DMD: variants seen among roughly 807,000 people sequenced by gnomAD.
DMD encodes dystrophin.
A neutral mutation model predicts 330.1 loss-of-function variants in DMD; 63 were observed. The observed-to-expected ratio is 0.19, with a 90% confidence interval of 0.16 to 0.24. The LOEUF (loss-of-function observed/expected upper bound fraction) is 0.24, where lower values mean the gene tolerates loss of function less well. Among genes scored for constraint, DMD ranks in the 10% least tolerant of loss-of-function variants. The pLI is 1.00. For synonymous variants in DMD, 1,223 were observed against 959.8 expected (o/e 1.27, Z -5.07); for missense variants, 3,344 against 2,684.1 (o/e 1.25, Z -5.43).
intron 60 of DMD, among the ~76,000 whole-genome samples, chrX:31,349,644 AG>A (rs1322858086): frequency 3.6e-5 from 4 of 111,584 alleles, no homozygotes; most frequent in African/African-American, 1.3e-4. Context: ...CAACTTAGTG[AG>A]TTCTATTCTT....
intron 44 of DMD, among the ~76,000 whole-genome samples, chrX:32,208,063 T>G (rs184102753): frequency 2.2e-4 from 25 of 112,075 alleles, no homozygotes; most frequent in Non-Finnish European, 4.3e-4. Context: ...TGCTGCCACA[T>G]TAAATTTATT....
chrX:31,295,045 G>A (rs761057974), intron 62 of DMD, among the ~76,000 whole-genome samples: 1 of 111,400 alleles, frequency 9.0e-6, no homozygotes, highest in Non-Finnish European at 1.9e-5. Flanking sequence ...TGCCCAGGCT[G>A]TAGTGCAGTA....
intron 1 of DMD, among the ~76,000 whole-genome samples, chrX:33,253,283 T>C (rs1349185427): frequency 9.0e-6 from 1 of 111,495 alleles, no homozygotes. Flanking sequence ...ATTGGAACTT[T>C]GGTATGGACC....
intron 1 of DMD, among the ~76,000 whole-genome samples, chrX:33,333,174 A>G (rs981366641): frequency 6.3e-5 from 7 of 111,553 alleles, no homozygotes; most frequent in African/African-American, 2.3e-4. Context: ...GTGTGACTTC[A>G]ATTACATAAA....
chrX:31,608,547 A>G (rs1188165266), intron 55 of DMD, among the ~76,000 whole-genome samples: 1 of 112,080 alleles, frequency 8.9e-6, no homozygotes, highest in South Asian at 3.7e-4. Flanking sequence ...AGGAAAAACC[A>G]AAGTATATTT....
intron 44 of DMD, among the ~76,000 whole-genome samples, chrX:32,070,202 C>T (rs972714318): frequency 9.0e-6 from 1 of 111,269 alleles, no homozygotes. Flanking sequence ...CTCCCCACCC[C>T]GCTCAAACTG....
At chrX:31,154,537 G>T (rs2037874054) in intron 74 of DMD, among the ~76,000 whole-genome samples, 1 of 109,066 alleles carries the variant, frequency 9.2e-6, no homozygotes, top group Admixed American at 9.8e-5. Flanking sequence ...CTCGTGATCC[G>T]CCTGCCTCGG....
chrX:33,144,283 G>A (rs2047927626), intron 1 of DMD, among the ~76,000 whole-genome samples: 1 of 111,327 alleles, frequency 9.0e-6, no homozygotes, highest in Admixed American at 9.6e-5. Flanking sequence ...AGGGTAGTGG[G>A]GAGGGGGTGA....
chrX:32,821,536 C>A (rs944339620), intron 5 of DMD, among the ~76,000 whole-genome samples: 1 of 108,600 alleles, frequency 9.2e-6, no homozygotes, highest in Admixed American at 9.9e-5. Context: ...TGCAGTGAGC[C>A]GAGATCGCGC....
chrX:32,788,299 T>A (rs1467212164), intron 7 of DMD, among the ~76,000 whole-genome samples: 2 of 111,986 alleles, frequency 1.8e-5, no homozygotes, highest in East Asian at 5.6e-4. Flanking sequence ...TCTTTTGTCC[T>A]ATGTGACAAC....
intron 7 of DMD, among the ~76,000 whole-genome samples, chrX:32,760,060 TTG>T (rs1388598980): frequency 9.2e-6 from 1 of 109,001 alleles, no homozygotes; most frequent in Non-Finnish European, 1.9e-5. Flanking sequence ...AGTTCCTATT[TTG>T]TGTTTATATT....
chrX:32,811,178 T>TAAA lies in DMD; in HGVS notation c.531-1570_531-1568dup, dbSNP rs751834619. Among the ~76,000 whole-genome samples, 526 of 86,495 alleles carry TAAA rather than the reference T, an allele frequency of 6.1e-3. 3 individuals are homozygous for TAAA. Among genetic ancestry groups the TAAA allele is most frequent in the East Asian group, 0.038 (105 of 2,757 alleles). 75.1% of individuals were successfully genotyped at this position (86,495 alleles called of 115,157 possible). On this transcript the variant is annotated intron_variant, in intron 6 of 78. Coordinates refer to ENST00000357033, the MANE Select transcript of DMD (RefSeq NM_004006.3). ...GTGAGACCTGGTCTCTACAACTTAT[T>TAAA]AAAAAAAAAAAAAAAAAATAGCCAA... is the stretch of plus-strand genomic sequence containing the variant.
chrX:32,470,455 C>CT (rs58881720), intron 22 of DMD, among the ~76,000 whole-genome samples: 13 of 109,454 alleles, frequency 1.2e-4, no homozygotes, highest in East Asian at 2.9e-4. Flanking sequence ...ATGTTCATAT[C>CT]TTTTTTTTTA....
intron 9 of DMD, among the ~76,000 whole-genome samples, chrX:32,662,083 T>A (rs1010487798): frequency 9.0e-6 from 1 of 111,473 alleles, no homozygotes; most frequent in Non-Finnish European, 1.9e-5. Flanking sequence ...AAAACAAAGT[T>A]TCTTTATATT....
intron 43 of DMD, among the ~76,000 whole-genome samples, chrX:32,270,921 A>C (rs2097362956): frequency 9.0e-6 from 1 of 111,615 alleles, no homozygotes; most frequent in African/African-American, 3.3e-5. Context: ...ATATTGATTG[A>C]CTTTGGTGAG....
At chrX:33,126,954 A>G (rs1255517364) in intron 1 of DMD, among the ~76,000 whole-genome samples, 1 of 112,049 alleles carries the variant, frequency 8.9e-6, no homozygotes, top group Non-Finnish European at 1.9e-5. Context: ...ATATATTTAT[A>G]AAGAGATTAG....
intron 30 of DMD, among the ~76,000 whole-genome samples, chrX:32,410,232 G>C (rs934865439): frequency 9.0e-6 from 1 of 111,061 alleles, no homozygotes; most frequent in Non-Finnish European, 1.9e-5. Context: ...ATTTACTCTT[G>C]TTGCCCAGTG....
intron 55 of DMD, among the ~76,000 whole-genome samples, chrX:31,609,514 T>TGC (rs1556712345): frequency 5.6e-5 from 5 of 89,971 alleles, no homozygotes; most frequent in African/African-American, 2.3e-4. Context: ...TGCACGTGTG[T>TGC]GTGCGTGTGT....
chrX:32,321,194 T>C (rs2097612269), intron 41 of DMD, among the ~76,000 whole-genome samples: 1 of 111,657 alleles, frequency 9.0e-6, no homozygotes, highest in Admixed American at 9.6e-5. Context: ...ATGTTGAGAA[T>C]GGGTAAATCA....
Sources: allele counts gnomAD v4.1 joint callset (sites outside exome capture counted in the v4.1 genomes callset), GRCh38; gene constraint gnomAD v4.1.1; transcripts MANE v1.5; gene names NCBI Gene and HGNC (gene_info 2026-07-23, HGNC 2026-07-21).